GSE1: variants seen among roughly 807,000 people sequenced by gnomAD.
The protein encoded by GSE1 is genetic suppressor element 1.
GSE1 carries 32 observed loss-of-function variants against 112.6 expected under a neutral mutation model. The observed-to-expected ratio is 0.28, with a 90% CI of 0.21 to 0.38. The LOEUF (loss-of-function observed/expected upper bound fraction) is 0.38, where lower values mean the gene tolerates loss of function less well. GSE1 is among the 10% of genes least tolerant of loss of function. The probability of loss-of-function intolerance (pLI) is 1.00; values close to 1 mark genes in which losing one functional copy is unlikely to be tolerated. For missense variants in GSE1, 2,348 were observed against 1,699.2 expected (o/e 1.38, Z -6.71); for synonymous variants, 1,115 against 735.6 (o/e 1.52, Z -8.35).
chr16:85,470,964 C>G (rs375798078), intron 2 of GSE1, among the ~76,000 whole-genome samples: 11 of 152,350 alleles, frequency 7.2e-5, no homozygotes, highest in African/African-American at 2.6e-4. Context: ...GCGTTGCCAT[C>G]TGGCAGACAC....
At chr16:85,663,249 C>T in intron 10 of GSE1, 95 bp from the exon 11 acceptor site, 3 of 1,428,130 alleles carry the variant, frequency 2.1e-6, no homozygotes, top group Admixed American at 1.8e-5. Context: ...CCAGCTACGG[C>T]CCACACTTCG....
chr16:85,186,691 G>C (rs1279373299), intron 1 of GSE1, among the ~76,000 whole-genome samples: 1 of 152,154 alleles, frequency 6.6e-6, no homozygotes, highest in South Asian at 2.1e-4. Flanking sequence ...CCTGAGCTCA[G>C]AAGTTTGAGG....
At chr16:85,514,408 T>C (rs1319292286) in intron 2 of GSE1, among the ~76,000 whole-genome samples, 4 of 128,140 alleles carry the variant, frequency 3.1e-5, no homozygotes, top group Non-Finnish European at 6.5e-5. Flanking sequence ...GCCCCCAGGA[T>C]GCCCGCATGC....
At chr16:85,170,737 A>T (rs1339284907) in exon 1 of GSE1, 21 of 985,410 alleles carry the variant, frequency 2.1e-5, no homozygotes, top group Non-Finnish European at 2.5e-5. Context: ...GTGGCTGCAC[A>T]GCCCGCCCCC....
chr16:85,455,538 C>T (rs951158071), intron 2 of GSE1, among the ~76,000 whole-genome samples: 7 of 152,318 alleles, frequency 4.6e-5, no homozygotes, highest in East Asian at 1.9e-4. Flanking sequence ...GGGTTTATAG[C>T]GGCTACCCAG....
chr16:85,527,867 A>G (rs1436723201), intron 2 of GSE1, among the ~76,000 whole-genome samples: 1 of 152,266 alleles, frequency 6.6e-6, no homozygotes, highest in African/African-American at 2.4e-5. Context: ...TATTTCCTGA[A>G]GTAAGAGATT....
At chr16:85,226,760 TGTGTG>T (rs968684422) in intron 1 of GSE1, among the ~76,000 whole-genome samples, 1 of 3,318 alleles carries the variant, frequency 3.0e-4, no homozygotes, top group South Asian at 0.013. Flanking sequence ...CCTGGACTGG[TGTGTG>T]TGTGTGTGTG....
chr16:85,597,192 TG>T (rs1473173918), intron 1 of GSE1, among the ~76,000 whole-genome samples: 1 of 151,628 alleles, frequency 6.6e-6, no homozygotes, highest in East Asian at 2.0e-4. Flanking sequence ...TTGGCCAGGC[TG>T]GTCTCGAACT....
rs544456414 is a variant in GSE1 at position 85,421,915 on chromosome 16, C to A, written c.2464+64272C>A. 1.8e-3 allele frequency among the ~76,000 whole-genome samples: 269 copies of A among 152,268 alleles called. 1 individual carries two copies. Among genetic ancestry groups the A allele is most frequent in the Middle Eastern group, 6.8e-3 (2 of 294 alleles). On this transcript the variant is annotated intron_variant, in intron 2 of 2. Coordinates refer to the GSE1 transcript ENST00000637419. ...TTCAAGGCCGGCCTCCTCTGGCAGG[C>A]CCATGCTGAGGGCTTTCGAAGGGAT...
At position 85,632,514 on chromosome 16, in the gene GSE1, T is replaced by G. The variant is rs970265132; in HGVS notation, c.8-1400T>G. Among the ~76,000 whole-genome samples the G allele has an allele frequency of 5.3e-5, 8 of 152,104 alleles. No homozygotes were observed. The South Asian group carries it at 1.7e-3, about 31-fold the overall frequency. On this transcript the variant is annotated intron_variant, in intron 1 of 15. Coordinates refer to ENST00000253458, the MANE Select transcript of GSE1 (RefSeq NM_014615.5). ...GGTGGCAAGTTCTGGGGATAGCAGG[T>G]GGACAAAGGAGGTCTTGAGGGGGTC...
chr16:85,628,680 C>T (rs987747094), intron 1 of GSE1, among the ~76,000 whole-genome samples: 2 of 152,194 alleles, frequency 1.3e-5, no homozygotes, highest in African/African-American at 4.8e-5. Flanking sequence ...TGCCGTCGAG[C>T]CGCCATCCCT....
intron 2 of GSE1, among the ~76,000 whole-genome samples, chr16:85,647,954 C>A (rs961966900): frequency 4.6e-5 from 7 of 152,066 alleles, no homozygotes; most frequent in Admixed American, 4.6e-4. Context: ...TTGATGGGAG[C>A]CCCCGGAGGG....
chr16:85,282,016 G>T (rs1198548737), intron 1 of GSE1, among the ~76,000 whole-genome samples: 2 of 151,662 alleles, frequency 1.3e-5, no homozygotes, highest in Non-Finnish European at 2.9e-5. Context: ...CCTGTGAGTT[G>T]CTATGTTTTC....
At chr16:85,319,223 G>A (rs2046047814) in intron 1 of GSE1, among the ~76,000 whole-genome samples, 1 of 152,226 alleles carries the variant, frequency 6.6e-6, no homozygotes, top group African/African-American at 2.4e-5. Flanking sequence ...ACCATCAGTT[G>A]TCAGAAATTT....
At chr16:85,423,739 C>T (rs569397849) in intron 2 of GSE1, among the ~76,000 whole-genome samples, 1 of 152,300 alleles carries the variant, frequency 6.6e-6, no homozygotes, top group African/African-American at 2.4e-5. Flanking sequence ...TCTGTCGCCG[C>T]ATCCATCCAC....
At chr16:85,239,620 G>A (rs58675609) in intron 1 of GSE1, among the ~76,000 whole-genome samples, 22,570 of 152,238 alleles carry the variant, frequency 0.15, 1,858 homozygotes, top group East Asian at 0.23. Context: ...GATGAGGCTG[G>A]GAGAGGTGAG....
chr16:85,622,441 G>T (rs1025296022), intron 1 of GSE1, among the ~76,000 whole-genome samples: 1 of 152,156 alleles, frequency 6.6e-6, no homozygotes, highest in Non-Finnish European at 1.5e-5. Context: ...GTTCATACTC[G>T]TGGGTTGCCA....
At chr16:85,647,818 C>T (rs1400189974) in intron 2 of GSE1, among the ~76,000 whole-genome samples, 1 of 152,180 alleles carries the variant, frequency 6.6e-6, no homozygotes, top group Non-Finnish European at 1.5e-5. Context: ...AACTCCTGAC[C>T]TCGTGATCTG....
At chr16:85,656,742 C>T (rs1046266795) in intron 7 of GSE1, 77 bp downstream of exon 7, 2 of 1,433,590 alleles carry the variant, frequency 1.4e-6, no homozygotes, top group Admixed American at 2.8e-5. Flanking sequence ...GCAGCACCTG[C>T]CGGTTGCCGT....
Sources: allele counts gnomAD v4.1 joint callset (sites outside exome capture counted in the v4.1 genomes callset), GRCh38; gene constraint gnomAD v4.1.1; transcripts MANE v1.5; gene names NCBI Gene and HGNC (gene_info 2026-07-23, HGNC 2026-07-21).